Variants in FBXL13 observed in about 807,000 individuals in gnomAD.
FBXL13 encodes F-box and leucine rich repeat protein 13, also known as F-box and leucine-rich repeat protein 13.
FBXL13 carries 67 observed loss-of-function variants against 83.6 expected under a neutral mutation model. That is an observed-to-expected ratio of 0.80 (90% CI 0.66 to 0.98). FBXL13 has a LOEUF of 0.98. Ranked by LOEUF, FBXL13 falls within the 50% of genes least tolerant of loss-of-function variation. The probability of loss-of-function intolerance (pLI) is 0.00; values close to 1 mark genes in which losing one functional copy is unlikely to be tolerated. For synonymous variants in FBXL13, 272 were observed against 299.5 expected (o/e 0.91, Z 0.95); for missense variants, 822 against 866.5 (o/e 0.95, Z 0.64).
At chr7:102,997,208 G>A (rs1024593271) in intron 6 of FBXL13, among the ~76,000 whole-genome samples, 3 of 151,980 alleles carry the variant, frequency 2.0e-5, no homozygotes, top group South Asian at 2.1e-4. Context: ...GAATGACCGC[G>A]GAAAACATTC....
chr7:102,949,800 T>C (rs1432801957), intron 8 of FBXL13, among the ~76,000 whole-genome samples: 1 of 152,148 alleles, frequency 6.6e-6, no homozygotes, highest in African/African-American at 2.4e-5. Context: ...ATCCTATGTA[T>C]AGTGGTTAAA....
At chr7:102,879,527 A>G (rs1809729780) in intron 14 of FBXL13, among the ~76,000 whole-genome samples, 1 of 151,952 alleles carries the variant, frequency 6.6e-6, no homozygotes. Flanking sequence ...AAGATTATTG[A>G]GGTAATGATC....
intron 2 of FBXL13, among the ~76,000 whole-genome samples, chr7:103,041,500 C>T (rs1321746907): frequency 6.6e-6 from 1 of 152,116 alleles, no homozygotes; most frequent in African/African-American, 2.4e-5. Flanking sequence ...GATACAAAAG[C>T]CTGATAGAGA....
At chr7:102,937,436 G>A (rs1273249825) in intron 8 of FBXL13, among the ~76,000 whole-genome samples, 1 of 148,758 alleles carries the variant, frequency 6.7e-6, no homozygotes, top group Non-Finnish European at 1.5e-5. Context: ...GAACTCTGGA[G>A]GCAGAGGTTG....
At chr7:103,019,156 A>G (rs1178449388) in intron 6 of FBXL13, among the ~76,000 whole-genome samples, 2 of 152,256 alleles carry the variant, frequency 1.3e-5, no homozygotes, top group African/African-American at 4.8e-5. Context: ...ACTAGAACTC[A>G]GGATTAAGAA....
chr7:102,910,331 C>T (rs1325849411), intron 11 of FBXL13, among the ~76,000 whole-genome samples: 3 of 151,980 alleles, frequency 2.0e-5, no homozygotes, highest in Non-Finnish European at 4.4e-5. Flanking sequence ...AAACCAGGTA[C>T]GATGACTGCT....
At chr7:102,922,957 G>A (rs1470220843) in intron 10 of FBXL13, among the ~76,000 whole-genome samples, 1 of 151,952 alleles carries the variant, frequency 6.6e-6, no homozygotes, top group Non-Finnish European at 1.5e-5. Flanking sequence ...CAGCCTGGGC[G>A]ACAGAGCGAG....
intron 16 of FBXL13, 108 bp downstream of exon 17, chr7:102,877,359 A>T: frequency 1.0e-6 from 1 of 988,630 alleles, no homozygotes; most frequent in Non-Finnish European, 1.4e-6. Context: ...CTTTTATAAT[A>T]GAATAACAAA....
chr7:102,892,894 T>C (rs1171023988), intron 11 of FBXL13, among the ~76,000 whole-genome samples: 1 of 152,200 alleles, frequency 6.6e-6, no homozygotes, highest in East Asian at 1.9e-4. Flanking sequence ...TAGCTTAAAA[T>C]AGGCCATGGT....
At chr7:103,071,355 G>T (rs914364208) in intron 1 of FBXL13, among the ~76,000 whole-genome samples, 1 of 151,964 alleles carries the variant, frequency 6.6e-6, no homozygotes, top group South Asian at 2.1e-4. Context: ...AAGCCCAGGG[G>T]ACCAAGCAGG....
rs369204461 is a variant in FBXL13, at chr7:102,984,752, C to T, written c.496-16635G>A. Among the ~76,000 whole-genome samples the T allele has an allele frequency of 2.0e-4, 30 of 152,188 alleles. No individual in the cohort carries two copies. In the East Asian group the frequency reaches 5.4e-3, roughly 27 times the overall value. On this transcript the variant is annotated intron_variant, in intron 6 of 19. Coordinates refer to ENST00000313221, the Ensembl canonical transcript of FBXL13. ...AATTTTATTTTAATTATTAGAAGAA[C>T]CCTGCTATGTGCCAATTATTATCTT...
chr7:102,913,718 A>G (rs1476060587), intron 10 of FBXL13, among the ~76,000 whole-genome samples: 1 of 152,266 alleles, frequency 6.6e-6, no homozygotes, highest in East Asian at 1.9e-4. Context: ...CATGCTCTTA[A>G]AATAGATCTG....
At chr7:103,042,405 A>G (rs1358144565) in intron 2 of FBXL13, among the ~76,000 whole-genome samples, 1 of 152,222 alleles carries the variant, frequency 6.6e-6, no homozygotes, top group Non-Finnish European at 1.5e-5. Flanking sequence ...AACCCAAGGT[A>G]ATTTATAGAT....
intron 6 of FBXL13, among the ~76,000 whole-genome samples, chr7:103,014,021 A>G (rs1006954462): frequency 7.2e-5 from 11 of 152,216 alleles, no homozygotes; most frequent in Non-Finnish European, 1.5e-4. Context: ...TATACACACA[A>G]GTTAGAAAAC....
At chr7:102,901,236 C>G (rs1415250926) in intron 11 of FBXL13, among the ~76,000 whole-genome samples, 1 of 152,136 alleles carries the variant, frequency 6.6e-6, no homozygotes, top group Non-Finnish European at 1.5e-5. Context: ...AATTTAAAGA[C>G]AGATTATGTG....
intron 6 of FBXL13, among the ~76,000 whole-genome samples, chr7:103,009,067 TAAAC>T (rs1791300491): frequency 6.6e-6 from 1 of 151,186 alleles, no homozygotes; most frequent in East Asian, 1.9e-4. Context: ...CAGTCACTGA[TAAAC>T]AAAGGAACAT....
chr7:102,900,842 G>A (rs986369385), intron 11 of FBXL13, among the ~76,000 whole-genome samples: 5 of 152,168 alleles, frequency 3.3e-5, no homozygotes, highest in Non-Finnish European at 4.4e-5. Flanking sequence ...AATGAAAAAG[G>A]GATGAATGAA....
chr7:103,043,446 A>T (rs995265282), intron 2 of FBXL13, among the ~76,000 whole-genome samples: 1 of 152,262 alleles, frequency 6.6e-6, no homozygotes, highest in Non-Finnish European at 1.5e-5. Flanking sequence ...AGAAATACAT[A>T]CCATTTGACC....
intron 16 of FBXL13, among the ~76,000 whole-genome samples, chr7:102,863,254 A>G (rs1807114017): frequency 6.6e-6 from 1 of 152,160 alleles, no homozygotes; most frequent in Admixed American, 6.6e-5. Flanking sequence ...ATAGGGCTCC[A>G]ATTTCTCTAT....
Sources: allele counts gnomAD v4.1 joint callset (sites outside exome capture counted in the v4.1 genomes callset), GRCh38; gene constraint gnomAD v4.1.1; transcripts MANE v1.5; gene names NCBI Gene and HGNC (gene_info 2026-07-23, HGNC 2026-07-21).